Variants in PDGFD observed in about 807,000 individuals in gnomAD.
The protein encoded by PDGFD is platelet derived growth factor D, also known as platelet-derived growth factor D.
In PDGFD, 30 loss-of-function variants were observed where a neutral mutation model predicts 44.7. The ratio of observed to expected loss-of-function variants is 0.67; its 90% confidence interval spans 0.50 to 0.91. The LOEUF is 0.91. Among genes scored for constraint, PDGFD ranks in the 40% least tolerant of loss-of-function variants. The probability of loss-of-function intolerance (pLI) is 0.00; values close to 1 mark genes in which losing one functional copy is unlikely to be tolerated. For synonymous variants in PDGFD, 173 were observed against 168.4 expected (o/e 1.03, Z -0.21); for missense variants, 445 against 457.8 (o/e 0.97, Z 0.25).
intron 1 of PDGFD, among the ~76,000 whole-genome samples, chr11:104,094,087 T>G (rs1783893421): frequency 6.7e-6 from 1 of 149,238 alleles, no homozygotes; most frequent in Admixed American, 6.9e-5. Context: ...TTAAACAATC[T>G]TTGTGTTGTT....
At position 104,111,682 on chromosome 11, in the gene PDGFD, T is replaced by C. The variant is rs1037669138; in HGVS notation, c.124+52122A>G. ...GGAAAAAATAAAGTAATGCTGAAGA[T>C]GACAAGGAAGAGGCAAATTTTAGGC... is the stretch of plus-strand genomic sequence containing the variant. On this transcript the variant is annotated intron_variant, in intron 1 of 6. Coordinates refer to ENST00000393158, the MANE Select transcript of PDGFD (RefSeq NM_025208.5). Among the ~76,000 whole-genome samples, 5 of 152,282 alleles carry C rather than the reference T, an allele frequency of 3.3e-5. No individual in the cohort carries two copies. In the East Asian group the frequency reaches 9.6e-4, roughly 29 times the overall value.
At chr11:103,976,589 G>C (rs752525809) in intron 3 of PDGFD, among the ~76,000 whole-genome samples, 1 of 152,106 alleles carries the variant, frequency 6.6e-6, no homozygotes, top group Non-Finnish European at 1.5e-5. Flanking sequence ...GTAAGAGAGG[G>C]CATCCTTGTC....
At chr11:104,003,550 A>G (rs1405685662) in intron 1 of PDGFD, among the ~76,000 whole-genome samples, 1 of 152,218 alleles carries the variant, frequency 6.6e-6, no homozygotes, top group Non-Finnish European at 1.5e-5. Flanking sequence ...AAAGGAATGT[A>G]AAAGTATTGG....
At chr11:103,935,644 T>C (rs1858477316) in intron 5 of PDGFD, among the ~76,000 whole-genome samples, 1 of 152,206 alleles carries the variant, frequency 6.6e-6, no homozygotes. Context: ...TGTGAGGCTC[T>C]CCAGATTACT....
chr11:104,143,544 A>G (rs1054807830), intron 1 of PDGFD, among the ~76,000 whole-genome samples: 2 of 152,160 alleles, frequency 1.3e-5, no homozygotes, highest in Non-Finnish European at 2.9e-5. Flanking sequence ...CTCTTTGGGG[A>G]AGCCTTAGTC....
intron 1 of PDGFD, among the ~76,000 whole-genome samples, chr11:104,043,836 G>GAGCC (rs1388104329): frequency 6.6e-6 from 1 of 152,136 alleles, no homozygotes. Flanking sequence ...GGAGCACACT[G>GAGCC]AGCCATTCAC....
chr11:104,022,001 T>G (rs1459777479), intron 1 of PDGFD, among the ~76,000 whole-genome samples: 1 of 152,138 alleles, frequency 6.6e-6, no homozygotes, highest in Non-Finnish European at 1.5e-5. Context: ...GAAACAACCA[T>G]TCTTCCTTAT....
At chr11:104,095,556 G>C (rs567294487) in intron 1 of PDGFD, among the ~76,000 whole-genome samples, 1 of 152,010 alleles carries the variant, frequency 6.6e-6, no homozygotes, top group South Asian at 2.1e-4. Context: ...AGTCCTTACT[G>C]TCTTAGAGAC....
rs555268933 is a variant in PDGFD, at chr11:103,956,177, G to A, written c.511-8453C>T. On this transcript the variant is annotated intron_variant, in intron 3 of 6. Transcript: ENST00000393158. Reference sequence around the variant, plus strand: ...GCTGCACCCATTAACTCGTCATTTAGCATTAGGTATATCTCCTAATGCTAT... The same window carrying A: ...GCTGCACCCATTAACTCGTCATTTAACATTAGGTATATCTCCTAATGCTAT... 8.8e-4 allele frequency among the ~76,000 whole-genome samples: 132 copies of A among 150,360 alleles called. No individual in the cohort carries two copies. The Middle Eastern group carries it at 0.021, about 24-fold the overall frequency.
intron 6 of PDGFD, among the ~76,000 whole-genome samples, chr11:103,911,170 A>C (rs535987683): frequency 3.3e-5 from 5 of 152,272 alleles, no homozygotes; most frequent in Admixed American, 2.6e-4. Context: ...CTCAGACTTA[A>C]ACATTCCTGC....
chr11:103,928,937 C>G (rs1858358884), intron 5 of PDGFD, among the ~76,000 whole-genome samples: 1 of 152,068 alleles, frequency 6.6e-6, no homozygotes, highest in Non-Finnish European at 1.5e-5. Context: ...GGCTTGTGAA[C>G]AGGGCTGATG....
intron 5 of PDGFD, among the ~76,000 whole-genome samples, chr11:103,935,510 G>A (rs989426261): frequency 1.2e-4 from 18 of 152,158 alleles, no homozygotes; most frequent in African/African-American, 4.3e-4. Context: ...GCAAAATAGT[G>A]TCAGAAAATT....
chr11:103,995,361 C>G (rs541744846), intron 3 of PDGFD, among the ~76,000 whole-genome samples: 1 of 152,154 alleles, frequency 6.6e-6, no homozygotes, highest in East Asian at 1.9e-4. Context: ...TGACCCATGA[C>G]TGTGTGTGAC....
At chr11:103,939,934 T>A (rs1360196126) in intron 5 of PDGFD, among the ~76,000 whole-genome samples, 1 of 152,146 alleles carries the variant, frequency 6.6e-6, no homozygotes, top group African/African-American at 2.4e-5. Flanking sequence ...TAACTTGTTA[T>A]ATTATCTTCA....
At chr11:103,926,786 G>T (rs1858322016) in intron 6 of PDGFD, 126 bp downstream of exon 6, 3 of 963,132 alleles carry the variant, frequency 3.1e-6, no homozygotes, top group Admixed American at 4.7e-5. Flanking sequence ...TAGAATTTCT[G>T]CTCCTAATCA....
At chr11:104,095,431 T>G (rs1198773440) in intron 1 of PDGFD, among the ~76,000 whole-genome samples, 2 of 152,128 alleles carry the variant, frequency 1.3e-5, no homozygotes, top group African/African-American at 4.8e-5. Flanking sequence ...AACCCTAATC[T>G]GGGTTCCATA....
intron 3 of PDGFD, among the ~76,000 whole-genome samples, chr11:103,981,411 T>C (rs994079099): frequency 2.0e-5 from 3 of 151,536 alleles, no homozygotes; most frequent in African/African-American, 4.9e-5. Flanking sequence ...TTTATAGCAA[T>C]AGAAAAGGGA....
At chr11:103,943,785 A>C in intron 4 of PDGFD, 135 bp from the exon 5 acceptor site, 1 of 661,350 alleles carries the variant, frequency 1.5e-6, no homozygotes. Context: ...CTATGTAAAA[A>C]CAACATGGTA....
intron 4 of PDGFD, chr11:103,946,314 A>G (rs929952097): frequency 1.3e-5 from 2 of 152,254 alleles, no homozygotes; most frequent in Non-Finnish European, 2.9e-5. Flanking sequence ...AAGAGAGTTA[A>G]GCAGCACCTA....
Sources: allele counts gnomAD v4.1 joint callset (sites outside exome capture counted in the v4.1 genomes callset), GRCh38; gene constraint gnomAD v4.1.1; transcripts MANE v1.5; gene names NCBI Gene and HGNC (gene_info 2026-07-23, HGNC 2026-07-21).